Variants in ACTR3B observed in about 807,000 individuals in gnomAD.
ACTR3B encodes the protein actin-related protein 3B.
ACTR3B carries 8 observed loss-of-function variants against 59.0 expected under a neutral mutation model. The ratio of observed to expected loss-of-function variants is 0.14; its 90% CI spans 0.08 to 0.24. The LOEUF is 0.24. Among genes scored for constraint, ACTR3B ranks in the 10% least tolerant of loss-of-function variants. ACTR3B has a pLI of 1.00. For synonymous variants in ACTR3B, 148 were observed against 197.9 expected, an observed-to-expected ratio of 0.75 and a Z score of 2.12; for missense variants, 245 against 552.3, an observed-to-expected ratio of 0.44 and a Z score of 5.58.
chr7:152,767,348 A>T (rs144109456), intron 1 of ACTR3B, among the ~76,000 whole-genome samples: 4 of 151,852 alleles, frequency 2.6e-5, no homozygotes, highest in Non-Finnish European at 5.9e-5. Context: ...GAGTTAGTCT[A>T]TTGGTCTGTT....
chr7:152,775,894 T>C (rs2098135302), intron 1 of ACTR3B, among the ~76,000 whole-genome samples: 1 of 152,230 alleles, frequency 6.6e-6, no homozygotes, highest in South Asian at 2.1e-4. Context: ...GATACCTTTT[T>C]ATATTGCTTT....
chr7:152,838,886 G>A (rs397708297), intron 9 of ACTR3B, among the ~76,000 whole-genome samples: 1 of 152,200 alleles, frequency 6.6e-6, no homozygotes, highest in Non-Finnish European at 1.5e-5. Flanking sequence ...GGTGTTGTGT[G>A]CTGCTGTGGA....
At chr7:152,792,897 C>T (rs868092069) in intron 2 of ACTR3B, among the ~76,000 whole-genome samples, 5 of 152,074 alleles carry the variant, frequency 3.3e-5, no homozygotes, top group South Asian at 4.1e-4. Flanking sequence ...GCTCTATTCT[C>T]GGGATATTTT....
rs1317182628 is a variant in ACTR3B at position 152,854,698 on chromosome 7, G to A, written c.*145G>A. On this transcript the variant is annotated 3_prime_UTR_variant, in exon 12 of 12. Coordinates refer to ENST00000256001, the MANE Select transcript of ACTR3B (RefSeq NM_020445.6). The surrounding 1 kb of genome is among the most constrained non-coding windows in gnomAD (Gnocchi z 4.9). ...GCATTGCCGGTGCATGAGGCGCGGC[G>A]CGGGCCCTTCAGTAAAAGCCATTTA... 6.4e-6 allele frequency: 5 copies of A among 775,500 alleles called. No homozygotes were observed. Among genetic ancestry groups the A allele is most frequent in the South Asian group, 1.7e-5 (1 of 57,748 alleles). 48.0% of individuals were successfully genotyped at this position (775,500 alleles called of 1,614,324 possible).
intron 1 of ACTR3B, among the ~76,000 whole-genome samples, chr7:152,764,500 C>G (rs558418074): frequency 2.6e-5 from 4 of 151,748 alleles, no homozygotes; most frequent in Admixed American, 6.6e-5. Context: ...AAAAATTAGC[C>G]GGGCACACTG....
At position 152,803,928 on chromosome 7, in the gene ACTR3B, G is replaced by T. The variant is rs545801711; in HGVS notation, c.336+2197G>T. 2.8e-3 allele frequency among the ~76,000 whole-genome samples: 425 copies of T among 152,232 alleles called. 3 individuals carry two copies. The highest frequency in any genetic ancestry group is 9.8e-3 in the African/African-American group (406 of 41,556). Reference sequence around the variant, plus strand: ...TTCCTTCAGGTATTTGTCCTTAACCGTATGTTAATGGAATAGTTAAAGGGG... The same window carrying T: ...TTCCTTCAGGTATTTGTCCTTAACCTTATGTTAATGGAATAGTTAAAGGGG... On this transcript the variant is annotated intron_variant, in intron 4 of 11. Transcript: ENST00000256001.
At chr7:152,784,555 G>A (rs1350249534) in intron 2 of ACTR3B, among the ~76,000 whole-genome samples, 2 of 152,162 alleles carry the variant, frequency 1.3e-5, no homozygotes, top group Non-Finnish European at 2.9e-5. Context: ...GGTCTGCTGT[G>A]TCCTCATTTT....
intron 2 of ACTR3B, among the ~76,000 whole-genome samples, chr7:152,794,885 T>C (rs1291347390): frequency 6.6e-6 from 1 of 152,240 alleles, no homozygotes; most frequent in Non-Finnish European, 1.5e-5. Context: ...TTGTTTATAA[T>C]TTGATATCTT....
At chr7:152,813,312 C>T (rs1414624476) in intron 4 of ACTR3B, 6 of 144,890 alleles carry the variant, frequency 4.1e-5, no homozygotes, top group African/African-American at 7.7e-5. Flanking sequence ...GTTTTAAATA[C>T]GAGATATAGA....
intron 10 of ACTR3B, 89 bp from the exon 11 acceptor site, chr7:152,853,404 TG>T (rs1219419102): frequency 3.0e-5 from 36 of 1,197,474 alleles, no homozygotes; most frequent in South Asian, 7.7e-5. Context: ...AGGGCGGCCC[TG>T]GGTGCAGCTG....
At chr7:152,775,760 A>C (rs1397153570) in intron 1 of ACTR3B, among the ~76,000 whole-genome samples, 1 of 139,250 alleles carries the variant, frequency 7.2e-6, no homozygotes, top group Non-Finnish European at 1.5e-5. Flanking sequence ...ACTCCGTCTC[A>C]AAAAAAAAAA....
chr7:152,787,009 C>T (rs1305660343), intron 2 of ACTR3B, among the ~76,000 whole-genome samples: 1 of 152,106 alleles, frequency 6.6e-6, no homozygotes, highest in Non-Finnish European at 1.5e-5. Flanking sequence ...TTTCCTTATG[C>T]GTATCTGCTA....
At chr7:152,790,913 TA>T (rs2098193478) in intron 2 of ACTR3B, among the ~76,000 whole-genome samples, 2 of 152,196 alleles carry the variant, frequency 1.3e-5, no homozygotes, top group South Asian at 4.1e-4. Context: ...TTTTGGCATT[TA>T]GGAAAGTAGT....
At chr7:152,807,231 A>G (rs571177449) in intron 4 of ACTR3B, among the ~76,000 whole-genome samples, 2 of 152,234 alleles carry the variant, frequency 1.3e-5, no homozygotes, top group Non-Finnish European at 2.9e-5. Context: ...AAAATTTGGA[A>G]GATATCTATG....
intron 6 of ACTR3B, among the ~76,000 whole-genome samples, chr7:152,818,640 G>C (rs1459439163): frequency 6.6e-6 from 1 of 152,160 alleles, no homozygotes; most frequent in Non-Finnish European, 1.5e-5. Flanking sequence ...GTAGAGATGG[G>C]GTTTCTCCAT....
chr7:152,822,728 G>A (rs1033258874), intron 7 of ACTR3B, among the ~76,000 whole-genome samples: 3 of 152,190 alleles, frequency 2.0e-5, no homozygotes, highest in Admixed American at 1.3e-4. Context: ...GTTGATTGAG[G>A]GACTTAGAAT....
intron 1 of ACTR3B, among the ~76,000 whole-genome samples, chr7:152,769,623 G>A (rs1447093874): frequency 6.6e-6 from 1 of 151,832 alleles, no homozygotes; most frequent in Non-Finnish European, 1.5e-5. Context: ...TGATATATTT[G>A]GCCTCAGTTT....
intron 1 of ACTR3B, among the ~76,000 whole-genome samples, chr7:152,775,549 C>T (rs13308385): frequency 2.0e-5 from 3 of 151,946 alleles, no homozygotes; most frequent in Admixed American, 6.6e-5. Context: ...CACCTAAGGT[C>T]GGGAGTTTGA....
chr7:152,848,691 C>T (rs1350304575), intron 9 of ACTR3B, among the ~76,000 whole-genome samples: 1 of 152,160 alleles, frequency 6.6e-6, no homozygotes, highest in African/African-American at 2.4e-5. Flanking sequence ...ATCAAAATAC[C>T]AACATGCTTT....
Sources: gnomAD v4.1 joint callset for allele counts (sites outside exome capture counted in the v4.1 genomes callset) on GRCh38, gnomAD v4.1.1 for gene constraint, Gnocchi (gnomAD v3.1) non-coding constraint, MANE v1.5 for transcripts, NCBI Gene and HGNC (gene_info 2026-07-23, HGNC 2026-07-21) for gene names.